Variants in ROBO1 observed in about 807,000 individuals in gnomAD.
ROBO1 encodes the protein roundabout homolog 1.
A neutral mutation model predicts 195.9 loss-of-function variants in ROBO1; 149 were observed. The observed-to-expected ratio is 0.76, with a 90% CI of 0.67 to 0.87. ROBO1 has a LOEUF of 0.87. ROBO1 is among the 40% of genes least tolerant of loss of function. The pLI, the probability that ROBO1 is intolerant of heterozygous loss-of-function variation, is 0.00. For missense variants in ROBO1, 1,933 were observed against 2,068.3 expected (o/e 0.93, Z 1.27); for synonymous variants, 816 against 733.2 (o/e 1.11, Z -1.82).
intron 3 of ROBO1, among the ~76,000 whole-genome samples, chr3:79,042,592 A>G (rs1410169268): frequency 2.6e-5 from 4 of 151,626 alleles, no homozygotes; most frequent in Non-Finnish European, 5.9e-5. Context: ...AACAGATGAT[A>G]TCATATTTCT....
At chr3:79,236,229 T>A (rs2082404726) in intron 2 of ROBO1, among the ~76,000 whole-genome samples, 3 of 152,204 alleles carry the variant, frequency 2.0e-5, no homozygotes, top group Non-Finnish European at 4.4e-5. Context: ...CTGACTTCTC[T>A]GTTTTACACT....
chr3:79,121,315 C>G (rs987785621), intron 3 of ROBO1, among the ~76,000 whole-genome samples: 1 of 152,130 alleles, frequency 6.6e-6, no homozygotes, highest in African/African-American at 2.4e-5. Flanking sequence ...ACACAAGAAT[C>G]AGTGTCATCA....
intron 4 of ROBO1, among the ~76,000 whole-genome samples, chr3:78,846,040 A>C (rs1294000021): frequency 6.6e-6 from 1 of 152,072 alleles, no homozygotes; most frequent in South Asian, 2.1e-4. Context: ...ATTAGCCCCA[A>C]AGATTTTTTT....
At chr3:79,744,969 T>A (rs1703809429) in intron 1 of ROBO1, among the ~76,000 whole-genome samples, 1 of 152,096 alleles carries the variant, frequency 6.6e-6, no homozygotes, top group Non-Finnish European at 1.5e-5. Flanking sequence ...AATGCCTATT[T>A]TTTCTATAAT....
At chr3:79,541,246 G>A (rs1347172219) in intron 2 of ROBO1, among the ~76,000 whole-genome samples, 1 of 152,042 alleles carries the variant, frequency 6.6e-6, no homozygotes, top group Non-Finnish European at 1.5e-5. Flanking sequence ...TTCAACATCT[G>A]GTTCATAGGA....
intron 2 of ROBO1, among the ~76,000 whole-genome samples, chr3:79,423,815 G>T (rs1319493672): frequency 6.6e-6 from 1 of 152,078 alleles, no homozygotes; most frequent in Admixed American, 6.6e-5. Context: ...GGAAACCTCT[G>T]GTGAGTAGAA....
intron 3 of ROBO1, among the ~76,000 whole-genome samples, chr3:79,008,898 T>TGTGTGC (rs2077697205): frequency 6.8e-6 from 1 of 146,804 alleles, no homozygotes; most frequent in African/African-American, 2.6e-5. Flanking sequence ...CGTGTGTGTG[T>TGTGTGC]GTGTGTGTGT....
At chr3:79,612,406 C>G (rs1264748364) in intron 1 of ROBO1, among the ~76,000 whole-genome samples, 1 of 150,316 alleles carries the variant, frequency 6.7e-6, no homozygotes, top group Non-Finnish European at 1.5e-5. Flanking sequence ...ATATGTGCCA[C>G]ATTTTCTTAA....
intron 3 of ROBO1, among the ~76,000 whole-genome samples, chr3:79,066,736 A>G (rs1421919344): frequency 1.3e-5 from 2 of 151,938 alleles, no homozygotes; most frequent in East Asian, 3.9e-4. Flanking sequence ...TGAAACTTAC[A>G]GTAGATCACA....
chr3:79,525,667 G>A (rs889461508), intron 2 of ROBO1, among the ~76,000 whole-genome samples: 2 of 148,970 alleles, frequency 1.3e-5, no homozygotes, highest in East Asian at 2.0e-4. Flanking sequence ...GTGCAGTGGT[G>A]TGATCTCGGC....
chr3:79,324,682 C>T (rs2034132627), intron 2 of ROBO1, among the ~76,000 whole-genome samples: 1 of 152,130 alleles, frequency 6.6e-6, no homozygotes, highest in Non-Finnish European at 1.5e-5. Context: ...AGCCAGTGCA[C>T]AGTGAACTCA....
At chr3:78,624,928 C>A (rs553960367) in intron 26 of ROBO1, among the ~76,000 whole-genome samples, 7 of 151,964 alleles carry the variant, frequency 4.6e-5, no homozygotes, top group Non-Finnish European at 1.0e-4. Context: ...GAGTTTCAGG[C>A]AAATTTAGGA....
At chr3:79,297,128 A>T (rs1286834578) in intron 2 of ROBO1, among the ~76,000 whole-genome samples, 2 of 152,176 alleles carry the variant, frequency 1.3e-5, no homozygotes, top group African/African-American at 4.8e-5. Context: ...CCTGAATTTA[A>T]TTCTCTTTCC....
intron 3 of ROBO1, among the ~76,000 whole-genome samples, chr3:79,023,277 G>C (rs2078137297): frequency 6.6e-6 from 1 of 152,118 alleles, no homozygotes; most frequent in South Asian, 2.1e-4. Context: ...GTGATCCTTG[G>C]TATTTAAATT....
chr3:78,700,867 G>A (rs1011586371), intron 8 of ROBO1, among the ~76,000 whole-genome samples: 2 of 151,724 alleles, frequency 1.3e-5, no homozygotes, highest in Admixed American at 1.3e-4. Flanking sequence ...GGGTTCAAGT[G>A]ATTCTCCTGC....
rs922089018 is a variant in ROBO1, at chr3:79,435,053, G to C, written c.88+154771C>G. ...ACAGGAAGGGGAACATCACATACCA[G>C]GGCCTGTCGTGGGGTTGGGGGAGGA... On this transcript the variant is annotated intron_variant, in intron 2 of 30. Transcript: ENST00000464233. Among the ~76,000 whole-genome samples, 15 of 152,026 alleles carry C rather than the reference G, an allele frequency of 9.9e-5. 1 individual carries two copies. The highest frequency in any genetic ancestry group is 7.4e-5 in the Non-Finnish European group (5 of 68,016).
chr3:79,231,049 C>T (rs942563022), intron 2 of ROBO1, among the ~76,000 whole-genome samples: 19 of 152,236 alleles, frequency 1.2e-4, no homozygotes, highest in Middle Eastern at 3.4e-3. Context: ...CCCTTCCTTA[C>T]ACCCTACACA....
At chr3:79,668,780 G>A (rs1946547026) in intron 1 of ROBO1, among the ~76,000 whole-genome samples, 1 of 151,844 alleles carries the variant, frequency 6.6e-6, no homozygotes, top group Non-Finnish European at 1.5e-5. Context: ...CAATTTTTGA[G>A]TTTTATAATT....
chr3:78,881,291 T>TACGG (rs1215736391), intron 4 of ROBO1, among the ~76,000 whole-genome samples: 2 of 152,162 alleles, frequency 1.3e-5, no homozygotes, highest in African/African-American at 4.8e-5. Context: ...GAAAGTGTGT[T>TACGG]ACGGAGCCCC....
Sources: gnomAD v4.1 joint callset for allele counts (sites outside exome capture counted in the v4.1 genomes callset) on GRCh38, gnomAD v4.1.1 for gene constraint, MANE v1.5 for transcripts, NCBI Gene and HGNC (gene_info 2026-07-23, HGNC 2026-07-21) for gene names.